The following ITGAM variants were observed in gnomAD, a reference collection of about 807,000 sequenced individuals.
ITGAM encodes the protein integrin alpha-M.
Under a neutral mutation model 137.5 loss-of-function variants are expected in ITGAM, and 79 were observed. That is an observed-to-expected ratio of 0.57 (90% CI 0.48 to 0.69). The LOEUF (loss-of-function observed/expected upper bound fraction) is 0.69. Ranked by LOEUF, ITGAM falls within the 30% of genes least tolerant of loss-of-function variation. The probability of loss-of-function intolerance (pLI) is 0.00; values close to 1 mark genes in which losing one functional copy is unlikely to be tolerated. For missense variants in ITGAM, 1,343 were observed against 1,483.5 expected (o/e 0.91, Z 1.56); for synonymous variants, 583 against 592.3 (o/e 0.98, Z 0.23).
At chr16:31,292,469 A>G (rs987444165) in intron 12 of ITGAM, among the ~76,000 whole-genome samples, 4 of 151,954 alleles carry the variant, frequency 2.6e-5, no homozygotes, top group African/African-American at 9.7e-5. Context: ...TTGTGTTCAT[A>G]AGTTCTTTAT....
chr16:31,328,965 T>G, intron 23 of ITGAM: 1 of 568,588 alleles, frequency 1.8e-6, no homozygotes, highest in Admixed American at 3.1e-5. Context: ...TGCGTGTGTG[T>G]GTCTGAGGGT....
intron 14 of ITGAM, among the ~76,000 whole-genome samples, chr16:31,310,049 C>T (rs939792655): frequency 2.0e-5 from 3 of 150,884 alleles, no homozygotes; most frequent in Non-Finnish European, 4.4e-5. Context: ...AAGGGAAGCC[C>T]ATCAGACTAG....
intron 23 of ITGAM, 181 bp from the exon 24 acceptor site, chr16:31,329,047 G>A (rs55742763): frequency 0.46 from 260,346 of 569,188 alleles, 66,824 homozygotes; most frequent in East Asian, 0.73. Context: ...AAATGGGCAC[G>A]CACTGTGTGT....
In ITGAM at chr16:31,294,857, G is replaced by A. The variant is rs547261676; in HGVS notation, c.1357-2657G>A. Among the ~76,000 whole-genome samples, 67 of 152,154 alleles carry A rather than the reference G, an allele frequency of 4.4e-4. No homozygotes were observed. The South Asian group carries it at 0.013, about 31-fold the overall frequency. The stretch of plus-strand genomic sequence containing the variant: ...TCTTCTAGTAGTTTTACAGTTTCAG[G>A]TCTTGTGTTTAAGTCTTTAATCCAT... On this transcript the variant is annotated intron_variant, in intron 12 of 29. Coordinates refer to ENST00000544665, the MANE Select transcript of ITGAM (RefSeq NM_000632.4).
Position 31,266,146 on chromosome 16 carries a change from A to T in ITGAM, c.426A>T (p.Arg142=), listed in dbSNP as rs1567246066. The change falls in exon 5 of 30, where the codon CGA becomes CGT. Residue 142 remains arginine, a splice_region_variant and synonymous_variant. Coordinates refer to ENST00000544665, the MANE Select transcript of ITGAM (RefSeq NM_000632.4). ...QQPQKFPEAL[R]GCPQEDSDIA... ...CCCAGAAGTTCCCAGAGGCCCTCCG[A>T]GGTGGGTTGCCTTTGGCAGAGGGAA... 2 of 1,610,654 alleles carry T rather than the reference A, an allele frequency of 1.2e-6. No homozygotes were observed. The highest frequency in any genetic ancestry group is 2.2e-5 in the South Asian group (2 of 90,994).
chr16:31,273,257 C>A, intron 7 of ITGAM, 108 bp from the exon 8 acceptor site: 1 of 962,568 alleles, frequency 1.0e-6, no homozygotes, highest in Non-Finnish European at 1.5e-6. Context: ...GATTGTGTCT[C>A]TGCACTCCAG....
chr16:31,280,077 T>TTC (rs2079951745), intron 12 of ITGAM, among the ~76,000 whole-genome samples: 1 of 152,188 alleles, frequency 6.6e-6, no homozygotes, highest in African/African-American at 2.4e-5. Flanking sequence ...GAGGGCCCTG[T>TTC]TCTGTTCCAT....
At chr16:31,300,503 C>G (rs2080187102) in intron 14 of ITGAM, among the ~76,000 whole-genome samples, 1 of 152,074 alleles carries the variant, frequency 6.6e-6, no homozygotes, top group Admixed American at 6.6e-5. Flanking sequence ...TTCACTGTGG[C>G]TTTGATTTGC....
At chr16:31,312,027 TCGCAAGGACAAAAAACCA>T (rs1000131278) in intron 14 of ITGAM, among the ~76,000 whole-genome samples, 5 of 149,614 alleles carry the variant, frequency 3.3e-5, no homozygotes, top group African/African-American at 1.2e-4. Context: ...CAGCAAACTA[TCGCAAGGACAAAAAACCA>T]AACACTGCAT....
chr16:31,329,682 A>G (rs931801306), intron 24 of ITGAM, 116 bp from the exon 25 acceptor site: 3 of 782,340 alleles, frequency 3.8e-6, no homozygotes, highest in African/African-American at 1.7e-5. Flanking sequence ...TACTCTCTCA[A>G]ACAGGAAGGG....
chr16:31,277,084 G>A, intron 11 of ITGAM, 35 bp downstream of exon 11: 1 of 1,576,848 alleles, frequency 6.3e-7, no homozygotes, highest in Non-Finnish European at 8.6e-7. Context: ...TCTAAGAAGG[G>A]GTGAGGATTT....
At chr16:31,274,390 G>A (rs1017007782) in intron 8 of ITGAM, among the ~76,000 whole-genome samples, 2 of 152,172 alleles carry the variant, frequency 1.3e-5, no homozygotes, top group African/African-American at 4.8e-5. Context: ...TGTTAGTCTT[G>A]CAAGGCAGAG....
At chr16:31,276,138 C>T (rs2079903681) in intron 9 of ITGAM, among the ~76,000 whole-genome samples, 1 of 152,108 alleles carries the variant, frequency 6.6e-6, no homozygotes, top group Admixed American at 6.5e-5. Context: ...TCTTGAAAAG[C>T]TGGAAGATTA....
At chr16:31,286,163 C>A (rs547897693) in intron 12 of ITGAM, among the ~76,000 whole-genome samples, 1 of 150,568 alleles carries the variant, frequency 6.6e-6, no homozygotes, top group Admixed American at 6.6e-5. Context: ...TCCATGTTGC[C>A]GCAAAGGATG....
intron 7 of ITGAM, among the ~76,000 whole-genome samples, chr16:31,272,896 C>CG (rs555618169): frequency 2.0e-4 from 30 of 152,178 alleles, no homozygotes; most frequent in Admixed American, 1.6e-3. Context: ...TTCCAGGTCT[C>CG]GGGGCAGTTG....
At chr16:31,275,934 T>C (rs2079901833) in intron 9 of ITGAM, among the ~76,000 whole-genome samples, 1 of 152,160 alleles carries the variant, frequency 6.6e-6, no homozygotes, top group South Asian at 2.1e-4. Context: ...AATTGGAGTA[T>C]GGGGGAGTCA....
intron 14 of ITGAM, among the ~76,000 whole-genome samples, chr16:31,318,949 A>T (rs34767000): frequency 1.3e-5 from 2 of 151,534 alleles, no homozygotes; most frequent in Non-Finnish European, 2.9e-5. Flanking sequence ...TTTCTAATTT[A>T]TTTTTTTATC....
At position 31,312,985 on chromosome 16, in the gene ITGAM, C is replaced by T. The variant is rs1028095188; in HGVS notation, c.1708-8256C>T. Among the ~76,000 whole-genome samples the T allele has an allele frequency of 1.1e-3, 163 of 151,552 alleles. 1 individual carries two copies. Among genetic ancestry groups the T allele is most frequent in the Non-Finnish European group, 2.1e-4 (14 of 67,872 alleles). On this transcript the variant is annotated intron_variant, in intron 14 of 29. Transcript: ENST00000544665. ...CTGTAATCCCAGCACTTTGGGAGGC[C>T]GAGGCGGGCGGATCACGAGGTCAGG...
chr16:31,328,041 T>C (rs1465722256), intron 22 of ITGAM, 106 bp from the exon 23 acceptor site: 2 of 851,608 alleles, frequency 2.3e-6, no homozygotes, highest in East Asian at 4.9e-5. Context: ...GATGCAGAGA[T>C]AACAGAACTT....
Sources: allele counts gnomAD v4.1 joint callset (sites outside exome capture counted in the v4.1 genomes callset), GRCh38; gene constraint gnomAD v4.1.1; transcripts MANE v1.5; gene names NCBI Gene and HGNC (gene_info 2026-07-23, HGNC 2026-07-21).